The following MYO1D variants were observed in gnomAD, a reference collection of about 807,000 sequenced individuals.
The protein encoded by MYO1D is unconventional myosin-Id.
A neutral mutation model predicts 122.0 loss-of-function variants in MYO1D; 83 were observed. The observed-to-expected ratio is 0.68, with a 90% CI of 0.57 to 0.82. The LOEUF (loss-of-function observed/expected upper bound fraction) is 0.82, where lower values mean the gene tolerates loss of function less well. Ranked by LOEUF, MYO1D falls within the 40% of genes least tolerant of loss-of-function variation. The probability of loss-of-function intolerance (pLI) is 0.00; values close to 1 mark genes in which losing one functional copy is unlikely to be tolerated. For synonymous variants in MYO1D, 464 were observed against 446.9 expected, an observed-to-expected ratio of 1.04 and a Z score of -0.48; for missense variants, 1,157 against 1,269.5, an observed-to-expected ratio of 0.91 and a Z score of 1.35.
chr17:32,876,840 C>T lies in MYO1D; in HGVS notation c.33G>A (p.Lys11=), dbSNP rs769018657. Residue 11 remains lysine, a synonymous_variant, in exon 1 of 22, where the codon AAG becomes AAA. Coordinates refer to ENST00000318217, the MANE Select transcript of MYO1D (RefSeq NM_015194.3). MAEQESLEFG[K]ADFVLMDTVS... Reference sequence around the variant, plus strand: ...CGGTGTCCATCAGCACGAAGTCTGCCTTGCCGAATTCCAGGCTCTCCTGCT... The same window carrying T: ...CGGTGTCCATCAGCACGAAGTCTGCTTTGCCGAATTCCAGGCTCTCCTGCT... 6 of 1,519,762 alleles carry T rather than the reference C, an allele frequency of 3.9e-6. No homozygotes were observed. The Admixed American group carries it at 1.2e-4, about 31-fold the overall frequency. 94.1% of individuals were successfully genotyped at this position (1,519,762 alleles called of 1,614,324 possible).
intron 21 of MYO1D, among the ~76,000 whole-genome samples, chr17:32,527,630 T>C (rs1484514617): frequency 1.4e-5 from 2 of 146,082 alleles, no homozygotes; most frequent in African/African-American, 2.6e-5. Context: ...CCGTCTATAC[T>C]AAAAATAAGA....
At chr17:32,869,873 C>A (rs1490677203) in intron 1 of MYO1D, among the ~76,000 whole-genome samples, 1 of 152,010 alleles carries the variant, frequency 6.6e-6, no homozygotes. Flanking sequence ...GTCAAGGCTG[C>A]AGTGAATCAT....
At chr17:32,501,484 A>C (rs1228512168) in intron 21 of MYO1D, among the ~76,000 whole-genome samples, 1 of 152,212 alleles carries the variant, frequency 6.6e-6, no homozygotes, top group East Asian at 1.9e-4. Flanking sequence ...CTGAATGGAC[A>C]GGCCTTGGTG....
At chr17:32,691,603 C>T (rs1173255280) in intron 16 of MYO1D, among the ~76,000 whole-genome samples, 1 of 151,980 alleles carries the variant, frequency 6.6e-6, no homozygotes, top group African/African-American at 2.4e-5. Flanking sequence ...GACAGGGTTT[C>T]ACCATGTTGA....
chr17:32,772,655 T>A, intron 5 of MYO1D, 134 bp downstream of exon 5: 1 of 730,006 alleles, frequency 1.4e-6, no homozygotes, highest in South Asian at 1.6e-5. Context: ...CGTGCGTGCG[T>A]GCGTGCATGC....
intron 20 of MYO1D, among the ~76,000 whole-genome samples, chr17:32,610,690 C>A (rs1453948586): frequency 2.0e-5 from 3 of 152,156 alleles, no homozygotes; most frequent in Non-Finnish European, 2.9e-5. Flanking sequence ...AGCAAAAAAA[C>A]CCTCTGTCTT....
intron 19 of MYO1D, among the ~76,000 whole-genome samples, chr17:32,651,968 G>A (rs538571065): frequency 1.1e-4 from 17 of 152,238 alleles, no homozygotes; most frequent in African/African-American, 2.9e-4. Context: ...AAGCCACTGC[G>A]TCTGGCCTCC....
chr17:32,495,193 G>C (rs1482742009), intron 21 of MYO1D, among the ~76,000 whole-genome samples: 1 of 152,258 alleles, frequency 6.6e-6, no homozygotes, highest in African/African-American at 2.4e-5. Context: ...GACGCCACCA[G>C]GTCTCTGGCT....
In MYO1D at chr17:32,859,863, TAA is replaced by T. The variant is rs573918466; in HGVS notation, c.95+16913_95+16914del. Among the ~76,000 whole-genome samples the T allele has an allele frequency of 2.0e-3, 299 of 152,236 alleles. 1 individual carries two copies. Among genetic ancestry groups the T allele is most frequent in the African/African-American group, 6.6e-3 (275 of 41,534 alleles). On this transcript the variant is annotated intron_variant, in intron 1 of 21. Coordinates refer to ENST00000318217, the MANE Select transcript of MYO1D (RefSeq NM_015194.3). ...TCTGCCCCTAAAATTCCTTCTTTCC[TAA>T]AAAAGCCTGACTTTGTTCAGGTATC...
At chr17:32,866,991 C>T (rs2091131164) in intron 1 of MYO1D, among the ~76,000 whole-genome samples, 1 of 152,156 alleles carries the variant, frequency 6.6e-6, no homozygotes, top group South Asian at 2.1e-4. Context: ...TACATATAGA[C>T]AGCTCTTAAT....
intron 20 of MYO1D, among the ~76,000 whole-genome samples, chr17:32,637,683 T>C (rs2088123668): frequency 6.6e-6 from 1 of 151,658 alleles, no homozygotes; most frequent in South Asian, 2.1e-4. Context: ...ATAAATAAAA[T>C]AAAATAAAAA....
chr17:32,655,052 T>TA (rs1235390121), intron 17 of MYO1D, among the ~76,000 whole-genome samples: 1 of 152,154 alleles, frequency 6.6e-6, no homozygotes, highest in Admixed American at 6.5e-5. Context: ...CTAAAAAAAG[T>TA]AAAATGCCTC....
At chr17:32,604,956 T>G in intron 21 of MYO1D, 131 bp downstream of exon 21, 1 of 838,978 alleles carries the variant, frequency 1.2e-6, no homozygotes, top group Non-Finnish European at 1.7e-6. Flanking sequence ...GCGAAACAGA[T>G]GATTTAAGTT....
intron 15 of MYO1D, among the ~76,000 whole-genome samples, chr17:32,719,432 C>T (rs777228981): frequency 1.3e-4 from 20 of 150,744 alleles, no homozygotes; most frequent in Non-Finnish European, 2.4e-4. Context: ...TCACTGCAAG[C>T]TCCGCCTCCC....
At chr17:32,589,669 A>G (rs1425915531) in intron 21 of MYO1D, among the ~76,000 whole-genome samples, 25 of 152,204 alleles carry the variant, frequency 1.6e-4, no homozygotes. Context: ...TTCTCTCCCT[A>G]CGAACAGCTG....
intron 1 of MYO1D, among the ~76,000 whole-genome samples, chr17:32,860,870 G>A (rs917570832): frequency 6.6e-6 from 1 of 152,142 alleles, no homozygotes; most frequent in Non-Finnish European, 1.5e-5. Flanking sequence ...CTTCATCAGA[G>A]AATTCATGGC....
At chr17:32,637,977 A>G (rs774452340) in intron 20 of MYO1D, among the ~76,000 whole-genome samples, 5 of 152,212 alleles carry the variant, frequency 3.3e-5, no homozygotes, top group Non-Finnish European at 7.3e-5. Flanking sequence ...TCTCTAAGTA[A>G]TACTCCTCAT....
At chr17:32,670,438 G>A (rs2088699722) in intron 16 of MYO1D, among the ~76,000 whole-genome samples, 1 of 150,956 alleles carries the variant, frequency 6.6e-6, no homozygotes, top group Non-Finnish European at 1.5e-5. Flanking sequence ...TATACAGATT[G>A]AGAGAGAGAG....
In MYO1D at chr17:32,744,713, T is replaced by C. The variant is rs1344021744; in HGVS notation, c.1613+498A>G. ...ACTTGTTATCATTTGCCTAGTTTTA[T>C]TTTGCCATAACTTTTCCACATTTTG... On this transcript the variant is annotated intron_variant, in intron 13 of 21. Transcript: ENST00000318217. Among the ~76,000 whole-genome samples, 3 of 152,226 alleles carry C rather than the reference T, an allele frequency of 2.0e-5. 1 individual carries two copies. Among genetic ancestry groups the C allele is most frequent in the African/African-American group, 7.2e-5 (3 of 41,462 alleles).
Sources: gnomAD v4.1 joint callset for allele counts (sites outside exome capture counted in the v4.1 genomes callset) on GRCh38, gnomAD v4.1.1 for gene constraint, MANE v1.5 for transcripts, NCBI Gene and HGNC (gene_info 2026-07-23, HGNC 2026-07-21) for gene names.